The following NEGR1 variants were observed in gnomAD, a reference collection of about 807,000 sequenced individuals.
NEGR1 encodes the protein IgLON family member 4.
Under a neutral mutation model 40.9 loss-of-function variants are expected in NEGR1, and 10 were observed. That is an observed-to-expected ratio of 0.24 (90% CI 0.15 to 0.42). The LOEUF is 0.42. Ranked by LOEUF, NEGR1 falls within the 10% of genes least tolerant of loss-of-function variation. The probability of loss-of-function intolerance (pLI) is 1.00; values close to 1 mark genes in which losing one functional copy is unlikely to be tolerated. For synonymous variants in NEGR1, 185 were observed against 166.8 expected (o/e 1.11, Z -0.84); for missense variants, 352 against 438.9 (o/e 0.80, Z 1.77).
intron 1 of NEGR1, among the ~76,000 whole-genome samples, chr1:72,168,116 T>C (rs1296086046): frequency 6.6e-6 from 1 of 151,606 alleles, no homozygotes; most frequent in African/African-American, 2.4e-5. Flanking sequence ...AGGGTTCAAG[T>C]GATTCTCCTG....
At chr1:71,705,950 C>CT (rs1653881702) in intron 3 of NEGR1, among the ~76,000 whole-genome samples, 1 of 150,820 alleles carries the variant, frequency 6.6e-6, no homozygotes, top group Non-Finnish European at 1.5e-5. Flanking sequence ...GCATCATTCC[C>CT]CAACAAGGAC....
At chr1:71,919,403 C>T (rs1361730135) in intron 2 of NEGR1, among the ~76,000 whole-genome samples, 4 of 151,830 alleles carry the variant, frequency 2.6e-5, no homozygotes, top group Non-Finnish European at 5.9e-5. Context: ...CACTGTTATA[C>T]AACAACATCT....
intron 4 of NEGR1, among the ~76,000 whole-genome samples, chr1:71,632,354 T>A (rs543129788): frequency 4.6e-5 from 7 of 151,326 alleles, no homozygotes; most frequent in African/African-American, 1.7e-4. Flanking sequence ...CAACTTTGGA[T>A]ATCATAATCT....
At chr1:72,060,833 A>C (rs1178023497) in intron 1 of NEGR1, among the ~76,000 whole-genome samples, 1 of 151,698 alleles carries the variant, frequency 6.6e-6, no homozygotes, top group Non-Finnish European at 1.5e-5. Flanking sequence ...TATTTTGACA[A>C]GACTGGATTT....
intron 1 of NEGR1, among the ~76,000 whole-genome samples, chr1:72,078,669 C>A (rs1421575504): frequency 6.9e-6 from 1 of 144,716 alleles, no homozygotes; most frequent in Middle Eastern, 3.8e-3. Context: ...GATGGAGTTT[C>A]ATTCTTATTG....
intron 1 of NEGR1, among the ~76,000 whole-genome samples, chr1:72,225,250 T>C (rs906504642): frequency 5.3e-5 from 8 of 151,930 alleles, no homozygotes; most frequent in African/African-American, 1.9e-4. Flanking sequence ...TGAATACAAG[T>C]CCTCCTGATT....
chr1:72,252,747 G>T (rs1424085564), intron 1 of NEGR1, among the ~76,000 whole-genome samples: 1 of 152,086 alleles, frequency 6.6e-6, no homozygotes, highest in Non-Finnish European at 1.5e-5. Context: ...AATTCATTAG[G>T]ACCCATGTCC....
intron 1 of NEGR1, among the ~76,000 whole-genome samples, chr1:72,041,955 A>ATGTAT: frequency 7.0e-6 from 1 of 142,980 alleles, no homozygotes; most frequent in Admixed American, 7.1e-5. Context: ...AGTCTCAAAT[A>ATGTAT]TATATTATAT....
intron 1 of NEGR1, among the ~76,000 whole-genome samples, chr1:72,249,220 GAATGAGAA>G (rs975487059): frequency 2.0e-5 from 3 of 152,152 alleles, no homozygotes; most frequent in African/African-American, 7.2e-5. Flanking sequence ...TATCAATTAT[GAATGAGAA>G]AATGTATCAT....
chr1:72,009,236 G>C lies in NEGR1; in HGVS notation c.177-73925C>G, dbSNP rs572980420. On this transcript the variant is annotated intron_variant, in intron 1 of 6. Coordinates refer to ENST00000357731, the MANE Select transcript of NEGR1 (RefSeq NM_173808.3). ...ATTCTTCTCTTTAGCTTCCATAACA[G>C]AAATAATCAGAGCTCAAACGTGTGG... Among the ~76,000 whole-genome samples, 5 of 152,044 alleles carry C rather than the reference G, an allele frequency of 3.3e-5. No homozygotes were observed. In the East Asian group the frequency reaches 9.7e-4, roughly 29 times the overall value.
intron 1 of NEGR1, among the ~76,000 whole-genome samples, chr1:72,243,325 A>G (rs1243294305): frequency 2.0e-5 from 3 of 151,774 alleles, no homozygotes; most frequent in Non-Finnish European, 4.4e-5. Flanking sequence ...ATAATCTTCA[A>G]TTTCCTCTTC....
At chr1:72,236,086 T>C (rs1570157832) in intron 1 of NEGR1, among the ~76,000 whole-genome samples, 1 of 152,144 alleles carries the variant, frequency 6.6e-6, no homozygotes, top group African/African-American at 2.4e-5. Flanking sequence ...ATATACACCA[T>C]GGAATACTAT....
intron 1 of NEGR1, among the ~76,000 whole-genome samples, chr1:72,049,546 A>G (rs1229785240): frequency 1.3e-5 from 2 of 151,650 alleles, no homozygotes; most frequent in African/African-American, 4.8e-5. Flanking sequence ...GTAGCACCAA[A>G]AGTTGTTTGC....
intron 1 of NEGR1, among the ~76,000 whole-genome samples, chr1:72,204,080 A>G (rs1323248516): frequency 6.6e-6 from 1 of 152,080 alleles, no homozygotes; most frequent in African/African-American, 2.4e-5. Flanking sequence ...CATGCCCACA[A>G]TATTTCCAAG....
At chr1:71,821,608 G>A (rs1271797482) in intron 2 of NEGR1, among the ~76,000 whole-genome samples, 2 of 151,948 alleles carry the variant, frequency 1.3e-5, no homozygotes, top group Non-Finnish European at 2.9e-5. Context: ...CTTGGACCAC[G>A]TAATTTGGTG....
At chr1:71,624,401 GT>G in intron 4 of NEGR1, among the ~76,000 whole-genome samples, 1 of 152,028 alleles carries the variant, frequency 6.6e-6, no homozygotes, top group African/African-American at 2.4e-5. Context: ...TGGCCATAGT[GT>G]TTCTGTTAAA....
At chr1:72,058,016 T>G (rs1647128000) in intron 1 of NEGR1, among the ~76,000 whole-genome samples, 1 of 151,448 alleles carries the variant, frequency 6.6e-6, no homozygotes, top group Non-Finnish European at 1.5e-5. Flanking sequence ...CACCCTCTGA[T>G]TTTTTCCTAC....
intron 6 of NEGR1, among the ~76,000 whole-genome samples, chr1:71,451,929 G>A (rs74089358): frequency 4.3e-4 from 65 of 152,174 alleles, no homozygotes; most frequent in African/African-American, 1.4e-3. Context: ...TTTAGGACAG[G>A]TCCATATGTT....
intron 2 of NEGR1, among the ~76,000 whole-genome samples, chr1:71,934,281 A>G (rs988802469): frequency 3.3e-5 from 5 of 152,120 alleles, no homozygotes; most frequent in African/African-American, 7.2e-5. Context: ...CTTGAAAACC[A>G]TTTGTATTTT....
Sources: gnomAD v4.1 joint callset for allele counts (sites outside exome capture counted in the v4.1 genomes callset) on GRCh38, gnomAD v4.1.1 for gene constraint, MANE v1.5 for transcripts, NCBI Gene and HGNC (gene_info 2026-07-23, HGNC 2026-07-21) for gene names.